ALDH1L2: variants seen among roughly 807,000 people sequenced by gnomAD.
The protein encoded by ALDH1L2 is aldehyde dehydrogenase 1 family member L2, also known as mitochondrial 10-formyltetrahydrofolate dehydrogenase.
Under a neutral mutation model 111.0 loss-of-function variants are expected in ALDH1L2, and 91 were observed. That is an observed-to-expected ratio of 0.82 (90% CI 0.69 to 0.98). The LOEUF is 0.98. Ranked by LOEUF, ALDH1L2 falls within the 50% of genes least tolerant of loss-of-function variation. ALDH1L2 has a pLI of 0.00. For missense variants in ALDH1L2, 995 were observed against 1,126.8 expected, an observed-to-expected ratio of 0.88 and a Z score of 1.67; for synonymous variants, 374 against 392.6, an observed-to-expected ratio of 0.95 and a Z score of 0.56.
At chr12:105,038,484 T>C (rs1875322958) in intron 17 of ALDH1L2, among the ~76,000 whole-genome samples, 1 of 151,952 alleles carries the variant, frequency 6.6e-6, no homozygotes, top group Non-Finnish European at 1.5e-5. Flanking sequence ...CTGAGCAACA[T>C]GGCAAGACCT....
At chr12:105,026,176 G>A (rs972298911) in intron 22 of ALDH1L2, among the ~76,000 whole-genome samples, 12 of 152,144 alleles carry the variant, frequency 7.9e-5, no homozygotes, top group African/African-American at 2.9e-4. Context: ...GCTGGTTATT[G>A]CTCTCCACCC....
At chr12:105,056,955 ACACT>A (rs1262752870) in intron 10 of ALDH1L2, among the ~76,000 whole-genome samples, 2 of 151,644 alleles carry the variant, frequency 1.3e-5, no homozygotes, top group African/African-American at 4.8e-5. Context: ...GTGTCAAAGG[ACACT>A]CAAAGTTTTC....
intron 9 of ALDH1L2, 154 bp downstream of exon 9, chr12:105,060,827 G>GAAAAA (rs10674036): frequency 0.029 from 3,989 of 139,290 alleles, 79 homozygotes; most frequent in South Asian, 0.062. Flanking sequence ...TCCATCTCAG[G>GAAAAA]AAAAAAAAAA....
intron 15 of ALDH1L2, among the ~76,000 whole-genome samples, chr12:105,046,189 CTCTCTATATATATATA>C (rs1875862111): frequency 4.3e-5 from 1 of 23,162 alleles, no homozygotes; most frequent in Non-Finnish European, 7.3e-5. Flanking sequence ...CTCTCTCTCT[CTCTCTATATATATATA>C]TATATATATA....
chr12:105,029,517 C>G (rs1321290854), intron 21 of ALDH1L2, among the ~76,000 whole-genome samples: 1 of 152,146 alleles, frequency 6.6e-6, no homozygotes, highest in African/African-American at 2.4e-5. Flanking sequence ...TCCCTCAAAC[C>G]TGACTTCTAA....
Position 105,020,868 on chromosome 12 carries a change from A to G in ALDH1L2, c.*3556T>C, listed in dbSNP as rs756624846. 1.3e-5 allele frequency: 2 copies of G among 152,222 alleles called. No homozygotes were observed. Among genetic ancestry groups the G allele is most frequent in the Non-Finnish European group, 2.9e-5 (2 of 68,056 alleles). The allele number at this position is 152,222 out of a possible 1,614,324, so 9.4% of individuals were successfully genotyped here. A position where few individuals can be genotyped will look rare whatever the true frequency, so the allele number is the denominator to read the frequency against. ...CTCTTCCCAAACTCTGTATTCAGTG[A>G]AGGCAAATTAGTGGCTCAAAAATAG... On this transcript the variant is annotated 3_prime_UTR_variant, in exon 23 of 23. Transcript: ENST00000258494.
At position 105,057,944 on chromosome 12, in the gene ALDH1L2, T is replaced by A. The variant is rs1307238619; in HGVS notation, c.1287+129A>T. The A allele has an allele frequency of 1.2e-5, 14 of 1,153,406 alleles. No individual in the cohort carries two copies. The East Asian group carries it at 3.7e-4, about 31-fold the overall frequency. 71.4% of individuals were successfully genotyped at this position (1,153,406 alleles called of 1,614,324 possible). ...AAAGGGGAATTTTATGCCATCTGAA[T>A]TAGATCTCAGTAAAGCTGTTGTTTT... On this transcript the variant is annotated intron_variant, in intron 10 of 22. Transcript: ENST00000258494.
chr12:105,029,199 T>A (rs561280364), intron 21 of ALDH1L2, among the ~76,000 whole-genome samples: 19 of 152,044 alleles, frequency 1.2e-4, no homozygotes, highest in Non-Finnish European at 2.2e-4. Flanking sequence ...AGCTAATTTT[T>A]AAAAAAAATT....
At chr12:105,063,834 T>C (rs2136094658) in intron 6 of ALDH1L2, among the ~76,000 whole-genome samples, 1 of 152,304 alleles carries the variant, frequency 6.6e-6, no homozygotes, top group East Asian at 1.9e-4. Context: ...TGACGCTGAC[T>C]GCATTATTAT....
At chr12:105,081,246 C>G (rs534251447) in intron 1 of ALDH1L2, among the ~76,000 whole-genome samples, 27 of 152,298 alleles carry the variant, frequency 1.8e-4, no homozygotes, top group African/African-American at 6.5e-4. Context: ...ATTAATGCAT[C>G]TATTAATATT....
In ALDH1L2 at chr12:105,031,830, A is replaced by G. The variant is rs753014677; in HGVS notation, c.2349T>C (p.Cys783=). ...KAHLEKLLQY[C]ETGVKEGATL... is the part of the protein sequence containing the mutation. ...TGGCCCCTTCTTTCACTCCAGTTTC[A>G]CAGTATTGCAGCAGCTTTTCCAGAT... The change falls in exon 20 of 23, where the codon TGT becomes TGC. Residue 783 remains cysteine, a synonymous_variant. Transcript: ENST00000258494. 30 of 1,613,990 alleles carry G rather than the reference A, an allele frequency of 1.9e-5. No homozygotes were observed. Among genetic ancestry groups the G allele is most frequent in the Non-Finnish European group, 2.3e-5 (27 of 1,180,024 alleles).
chr12:105,055,300 A>T (rs1187040620), intron 10 of ALDH1L2, among the ~76,000 whole-genome samples: 1 of 152,228 alleles, frequency 6.6e-6, no homozygotes, highest in Non-Finnish European at 1.5e-5. Flanking sequence ...ATGCCCAATC[A>T]TTAGATGACC....
intron 6 of ALDH1L2, 36 bp from the exon 7 acceptor site, chr12:105,063,058 G>T: frequency 6.3e-7 from 1 of 1,598,268 alleles, no homozygotes; most frequent in Non-Finnish European, 8.5e-7. Flanking sequence ...GTAAAATCAG[G>T]AGAAAAGCTG....
intron 9 of ALDH1L2, chr12:105,060,491 C>T (rs55889637): frequency 6.6e-6 from 1 of 152,536 alleles, no homozygotes; most frequent in Admixed American, 6.5e-5. Flanking sequence ...ACGGATATAT[C>T]TGCTTGACCA....
chr12:105,066,870 T>A (rs753750042), intron 4 of ALDH1L2, among the ~76,000 whole-genome samples: 36 of 152,146 alleles, frequency 2.4e-4, no homozygotes, highest in Non-Finnish European at 4.4e-5. Context: ...CTTGAAAACA[T>A]AACACAAATC....
intron 20 of ALDH1L2, 113 bp downstream of exon 20, chr12:105,031,655 AT>A (rs1459867481): frequency 4.8e-6 from 7 of 1,454,220 alleles, no homozygotes; most frequent in Non-Finnish European, 5.5e-6. Flanking sequence ...CACTGGGCTA[AT>A]TTTTGGTAGA....
At chr12:105,036,553 T>C (rs1376866812) in intron 18 of ALDH1L2, among the ~76,000 whole-genome samples, 1 of 43,268 alleles carries the variant, frequency 2.3e-5, no homozygotes, top group African/African-American at 1.9e-4. Flanking sequence ...TATATATATA[T>C]ATATATATAT....
At chr12:105,062,270 G>A (rs1877044858) in intron 7 of ALDH1L2, among the ~76,000 whole-genome samples, 1 of 152,256 alleles carries the variant, frequency 6.6e-6, no homozygotes, top group South Asian at 2.1e-4. Flanking sequence ...GCTCAATGAG[G>A]TTCAGTAATT....
intron 1 of ALDH1L2, among the ~76,000 whole-genome samples, chr12:105,081,166 G>A (rs1291204807): frequency 2.0e-5 from 3 of 152,198 alleles, no homozygotes; most frequent in East Asian, 1.9e-4. Context: ...TGATATCCAC[G>A]GGAGGTCCTG....
Sources: allele counts gnomAD v4.1 joint callset (sites outside exome capture counted in the v4.1 genomes callset), GRCh38; gene constraint gnomAD v4.1.1; transcripts MANE v1.5; gene names NCBI Gene and HGNC (gene_info 2026-07-23, HGNC 2026-07-21).